Variants in RLN2 observed in about 807,000 individuals in gnomAD.
RLN2 encodes relaxin 2.
RLN2 carries 10 observed loss-of-function variants against 7.3 expected under a neutral mutation model. That is an observed-to-expected ratio of 1.36 (90% CI 0.84 to 2.31). The LOEUF is 2.31. Ranked by LOEUF, RLN2 falls within the 30% of genes most tolerant of loss-of-function variation. The probability of loss-of-function intolerance (pLI) is 0.00; values close to 1 mark genes in which losing one functional copy is unlikely to be tolerated. For synonymous variants in RLN2, 103 were observed against 82.3 expected, an observed-to-expected ratio of 1.25 and a Z score of -1.36; for missense variants, 298 against 217.6, an observed-to-expected ratio of 1.37 and a Z score of -2.32.
At chr9:5,324,922 G>A in the RLN2 span, among the ~76,000 whole-genome samples, 35,807 of 151,664 alleles carry the variant, frequency 0.24, 4,729 homozygotes, top group East Asian at 0.4. Flanking sequence ...TAATTCCAAC[G>A]TAATTTTTCC....
chr9:5,339,155 T>G, the RLN2 span: 1 of 165,192 alleles, frequency 6.1e-6, no homozygotes, highest in Non-Finnish European at 1.1e-5. Flanking sequence ...CCGCCTGGCT[T>G]TCCTGTGGGG....
the RLN2 span, chr9:5,335,384 T>A: frequency 3.0e-5 from 48 of 1,613,594 alleles, 1 homozygote; most frequent in African/African-American, 2.8e-4. Flanking sequence ...AGGATTGCTG[T>A]CTGCGGCTTC....
At chr9:5,322,875 AT>A in the RLN2 span, among the ~76,000 whole-genome samples, 1 of 151,964 alleles carries the variant, frequency 6.6e-6, no homozygotes, top group African/African-American at 2.4e-5. Flanking sequence ...AGAACAAGTC[AT>A]CCCAAAATAT....
At chr9:5,310,664 T>G in the RLN2 span, among the ~76,000 whole-genome samples, 1 of 152,050 alleles carries the variant, frequency 6.6e-6, no homozygotes, top group Non-Finnish European at 1.5e-5. Flanking sequence ...CCCAAGAATT[T>G]GCAATATACA....
the RLN2 span, among the ~76,000 whole-genome samples, chr9:5,326,023 A>C: frequency 1.3e-5 from 2 of 152,062 alleles, no homozygotes; most frequent in Non-Finnish European, 2.9e-5. Context: ...AGTTATAATG[A>C]AGTCTGACCC....
At chr9:5,329,835 A>G in the RLN2 span, among the ~76,000 whole-genome samples, 13 of 152,084 alleles carry the variant, frequency 8.5e-5, no homozygotes, top group South Asian at 2.3e-3. Flanking sequence ...CCCACTGTCA[A>G]TAATAGACAG....
the RLN2 span, chr9:5,334,962 T>C: frequency 3.3e-5 from 9 of 272,110 alleles, no homozygotes; most frequent in Non-Finnish European, 4.8e-5. Flanking sequence ...TGTTATTATG[T>C]ATGGTTAAAG....
At chr9:5,302,244 G>A (rs1332355889) in intron 1 of RLN2, among the ~76,000 whole-genome samples, 2 of 152,142 alleles carry the variant, frequency 1.3e-5, no homozygotes, top group Admixed American at 1.3e-4. Context: ...TAGGCTCAAA[G>A]AAAATATTCT....
chr9:5,328,661 G>A, the RLN2 span, among the ~76,000 whole-genome samples: 1 of 151,990 alleles, frequency 6.6e-6, no homozygotes, highest in South Asian at 2.1e-4. Flanking sequence ...CAGCCAGAGA[G>A]AAAGGTCAGG....
chr9:5,311,492 G>A, the RLN2 span: 17 of 684,532 alleles, frequency 2.5e-5, no homozygotes, highest in Non-Finnish European at 3.4e-5. Context: ...ATAAAGTCAC[G>A]ATGAAGGATG....
the RLN2 span, among the ~76,000 whole-genome samples, chr9:5,329,737 C>T: frequency 7.2e-5 from 11 of 151,996 alleles, 1 homozygote; most frequent in East Asian, 1.5e-3. Flanking sequence ...GGACCCAATA[C>T]AGGAGCACCC....
At chr9:5,305,362 CA>C (rs1816224091), upstream of RLN2, among the ~76,000 whole-genome samples, 12 of 40,156 alleles carry the variant, frequency 3.0e-4, 1 homozygote, top group African/African-American at 6.9e-4. Context: ...GAACATACCA[CA>C]CACACACACA....
At chr9:5,331,676 G>T in the RLN2 span, among the ~76,000 whole-genome samples, 2 of 151,342 alleles carry the variant, frequency 1.3e-5, no homozygotes, top group Non-Finnish European at 2.9e-5. Context: ...GGGGGGTGGG[G>T]GGCTGTGGGA....
chr9:5,317,383 C>T, the RLN2 span, among the ~76,000 whole-genome samples: 1 of 150,836 alleles, frequency 6.6e-6, no homozygotes, highest in Non-Finnish European at 1.5e-5. Flanking sequence ...ACCCAGGAGG[C>T]AGAGGTTGCA....
chr9:5,306,923 C>T (rs1229334628), upstream of RLN2, among the ~76,000 whole-genome samples: 1 of 152,084 alleles, frequency 6.6e-6, no homozygotes, highest in African/African-American at 2.4e-5. Flanking sequence ...TCTAATACAA[C>T]CTAAGCACAA....
chr9:5,319,551 T>C, the RLN2 span, among the ~76,000 whole-genome samples: 4 of 152,058 alleles, frequency 2.6e-5, no homozygotes, highest in South Asian at 8.3e-4. Context: ...ACAAATACAT[T>C]AAGCTGACAA....
the RLN2 span, among the ~76,000 whole-genome samples, chr9:5,330,686 A>C: frequency 6.6e-6 from 1 of 150,398 alleles, no homozygotes; most frequent in Non-Finnish European, 1.5e-5. Context: ...TAGAGAGGCA[A>C]GAGCAAACAA....
intron 1 of RLN2, among the ~76,000 whole-genome samples, chr9:5,303,079 C>T (rs34651862): frequency 0.18 from 10,121 of 56,614 alleles, 1,176 homozygotes; most frequent in African/African-American, 0.27. Context: ...CAATGCAATC[C>T]GGTCTTCTCT....
chr9:5,316,132 A>G, the RLN2 span, among the ~76,000 whole-genome samples: 4 of 152,004 alleles, frequency 2.6e-5, no homozygotes, highest in Non-Finnish European at 2.9e-5. Context: ...GTCAAAAATA[A>G]TAACTACAAT....
Sources: gnomAD v4.1 joint callset for allele counts (sites outside exome capture counted in the v4.1 genomes callset) on GRCh38, gnomAD v4.1.1 for gene constraint, MANE v1.5 for transcripts, NCBI Gene and HGNC (gene_info 2026-07-23, HGNC 2026-07-21) for gene names.